The following GPHN variants were observed in gnomAD, a reference collection of about 807,000 sequenced individuals.
GPHN encodes gephyrin.
In GPHN, 17 loss-of-function variants were observed where a neutral mutation model predicts 95.5. The ratio of observed to expected loss-of-function variants is 0.18; its 90% CI spans 0.12 to 0.27. The LOEUF (loss-of-function observed/expected upper bound fraction) is 0.27, where lower values mean the gene tolerates loss of function less well. Ranked by LOEUF, GPHN falls within the 10% of genes least tolerant of loss-of-function variation. The probability of loss-of-function intolerance (pLI) is 1.00; values close to 1 mark genes in which losing one functional copy is unlikely to be tolerated. For synonymous variants in GPHN, 320 were observed against 322.5 expected (o/e 0.99, Z 0.08); for missense variants, 660 against 978.1 (o/e 0.67, Z 4.34).
intron 3 of GPHN, among the ~76,000 whole-genome samples, chr14:66,815,800 A>T (rs1195779232): frequency 6.6e-6 from 1 of 152,212 alleles, no homozygotes; most frequent in Non-Finnish European, 1.5e-5. Flanking sequence ...TCAAATCCAC[A>T]CATATCAATA....
At chr14:66,921,822 C>A (rs1213778490) in intron 6 of GPHN, among the ~76,000 whole-genome samples, 2 of 152,004 alleles carry the variant, frequency 1.3e-5, no homozygotes, top group African/African-American at 2.4e-5. Context: ...ACTATAAGGC[C>A]ATAGTCACCA....
chr14:67,449,254 G>A, the GPHN span, among the ~76,000 whole-genome samples: 1 of 152,190 alleles, frequency 6.6e-6, no homozygotes, highest in African/African-American at 2.4e-5. Context: ...GATCCAGGAG[G>A]TGCTAACTGC....
chr14:66,752,413 C>A (rs1264482254), intron 2 of GPHN, among the ~76,000 whole-genome samples: 1 of 152,100 alleles, frequency 6.6e-6, no homozygotes, highest in Non-Finnish European at 1.5e-5. Context: ...GTGACTCTTC[C>A]TTTCACTTGA....
At chr14:66,793,467 A>G (rs2060046129) in intron 3 of GPHN, among the ~76,000 whole-genome samples, 1 of 152,242 alleles carries the variant, frequency 6.6e-6, no homozygotes, top group South Asian at 2.1e-4. Flanking sequence ...TAAGCCATAT[A>G]AATATATTCT....
chr14:66,643,819 T>C (rs1239242905), intron 1 of GPHN, among the ~76,000 whole-genome samples: 1 of 151,652 alleles, frequency 6.6e-6, no homozygotes, highest in African/African-American at 2.4e-5. Context: ...GAGGAATTGG[T>C]GTTTTCACTC....
At chr14:66,751,834 A>G (rs919650612) in intron 2 of GPHN, among the ~76,000 whole-genome samples, 1 of 152,078 alleles carries the variant, frequency 6.6e-6, no homozygotes, top group African/African-American at 2.4e-5. Flanking sequence ...TGAAGCTTTG[A>G]AGCCAGGCAT....
the GPHN span, chr14:67,581,985 A>G: frequency 7.4e-7 from 1 of 1,352,380 alleles, no homozygotes; most frequent in Non-Finnish European, 1.0e-6. Context: ...ATCTTTTTGG[A>G]AATAAAGGTA....
Position 66,743,602 on chromosome 14 carries a change from C to T in GPHN, c.144-32862C>T, listed in dbSNP as rs1339700601. 3.9e-5 allele frequency among the ~76,000 whole-genome samples: 6 copies of T among 152,180 alleles called. No individual in the cohort carries two copies. The East Asian group carries it at 9.7e-4, about 25-fold the overall frequency. ...AAAAATACAAAAAAAATTAGCCAGGCGTGGTGGCTGGTGCCTGCAGTCCCA... is the reference window on the plus strand; with the variant it reads ...AAAAATACAAAAAAAATTAGCCAGGTGTGGTGGCTGGTGCCTGCAGTCCCA... On this transcript the variant is annotated intron_variant, in intron 2 of 22. Coordinates refer to ENST00000478722, the MANE Select transcript of GPHN (RefSeq NM_020806.5).
intron 8 of GPHN, among the ~76,000 whole-genome samples, chr14:66,961,898 G>GTATATATATA (rs2068926085): frequency 1.9e-5 from 1 of 53,364 alleles, no homozygotes; most frequent in Non-Finnish European, 4.8e-5. Flanking sequence ...ATCCCTGAAT[G>GTATATATATA]TGTATATATA....
At chr14:66,899,021 A>T (rs769143168) in intron 5 of GPHN, among the ~76,000 whole-genome samples, 2 of 151,542 alleles carry the variant, frequency 1.3e-5, no homozygotes, top group Non-Finnish European at 3.0e-5. Flanking sequence ...CCTCATGTTC[A>T]TTGCTAATAT....
the GPHN span, chr14:67,580,004 C>A: frequency 1.2e-6 from 1 of 843,782 alleles, no homozygotes; most frequent in African/African-American, 1.7e-5. Flanking sequence ...AGGTGCTGCC[C>A]TAGTCAGCAT....
intron 1 of GPHN, among the ~76,000 whole-genome samples, chr14:66,618,647 C>T (rs910944812): frequency 1.3e-5 from 2 of 152,124 alleles, no homozygotes; most frequent in Non-Finnish European, 2.9e-5. Context: ...TCAGGATTAG[C>T]TCACTTCATA....
chr14:66,711,467 A>G (rs1595648876), intron 2 of GPHN, among the ~76,000 whole-genome samples: 1 of 151,638 alleles, frequency 6.6e-6, no homozygotes, highest in Admixed American at 6.6e-5. Flanking sequence ...TCGTTCCATG[A>G]TTTTGCAGTT....
chr14:66,772,271 C>A (rs2059208958), intron 2 of GPHN, among the ~76,000 whole-genome samples: 1 of 152,190 alleles, frequency 6.6e-6, no homozygotes, highest in Non-Finnish European at 1.5e-5. Flanking sequence ...TGCTACCATT[C>A]TGGGAGAAGC....
chr14:66,857,115 G>A (rs909694243), intron 4 of GPHN, among the ~76,000 whole-genome samples: 1 of 152,068 alleles, frequency 6.6e-6, no homozygotes, highest in African/African-American at 2.4e-5. Flanking sequence ...TGGGCAGTCA[G>A]TAATATGTGT....
intron 4 of GPHN, among the ~76,000 whole-genome samples, chr14:66,835,044 G>A (rs1318898529): frequency 1.3e-5 from 2 of 150,606 alleles, no homozygotes; most frequent in East Asian, 3.9e-4. Flanking sequence ...TATTTGCGTA[G>A]AGGTGTTTGT....
chr14:66,508,463 G>A lies in GPHN; in HGVS notation c.-65G>A, dbSNP rs764521909. The A allele has an allele frequency of 2.0e-6, 3 of 1,484,186 alleles. No individual in the cohort carries two copies. Among genetic ancestry groups the A allele is most frequent in the African/African-American group, 1.4e-5 (1 of 72,392 alleles). 91.9% of individuals were successfully genotyped at this position (1,484,186 alleles called of 1,614,324 possible). A position where few individuals can be genotyped will look rare whatever the true frequency, so the allele number is the denominator to read the frequency against. ...CGCTCTCCTCGGCGAGCGCGCTCCCGGCCCGCGCGCTCCGGGCTCCGGTTT... is the reference window on the plus strand; with the variant it reads ...CGCTCTCCTCGGCGAGCGCGCTCCCAGCCCGCGCGCTCCGGGCTCCGGTTT... On this transcript the variant is annotated 5_prime_UTR_variant, in exon 1 of 23. Coordinates refer to ENST00000478722, the MANE Select transcript of GPHN (RefSeq NM_020806.5).
the GPHN span, chr14:67,198,139 T>C: frequency 6.3e-7 from 1 of 1,598,544 alleles, no homozygotes; most frequent in Non-Finnish European, 8.5e-7. Context: ...CCCTCAGTTT[T>C]TTTATGTTTA....
chr14:66,716,280 T>C (rs1336259754), intron 2 of GPHN, among the ~76,000 whole-genome samples: 2 of 152,220 alleles, frequency 1.3e-5, no homozygotes, highest in African/African-American at 2.4e-5. Flanking sequence ...TTTTAATTGC[T>C]GTTGCTTTGA....
Sources: allele counts gnomAD v4.1 joint callset (sites outside exome capture counted in the v4.1 genomes callset), GRCh38; gene constraint gnomAD v4.1.1; transcripts MANE v1.5; gene names NCBI Gene and HGNC (gene_info 2026-07-23, HGNC 2026-07-21).